The following CTNNA2 variants were observed in gnomAD, a reference collection of about 807,000 sequenced individuals.
CTNNA2 encodes the protein catenin alpha-2.
Under a neutral mutation model 101.0 loss-of-function variants are expected in CTNNA2, and 42 were observed. The observed-to-expected ratio is 0.42, with a 90% CI of 0.32 to 0.54. The LOEUF is 0.54. Among genes scored for constraint, CTNNA2 ranks in the 20% least tolerant of loss-of-function variants. The probability of loss-of-function intolerance (pLI) is 0.14; values close to 1 mark genes in which losing one functional copy is unlikely to be tolerated. For missense variants in CTNNA2, 871 were observed against 1,223.1 expected (o/e 0.71, Z 4.29); for synonymous variants, 450 against 456.4 (o/e 0.99, Z 0.18).
chr2:80,229,945 T>C (rs1042806234), intron 7 of CTNNA2, among the ~76,000 whole-genome samples: 1 of 152,162 alleles, frequency 6.6e-6, no homozygotes, highest in African/African-American at 2.4e-5. Context: ...ATAGCGGTGG[T>C]CCTATAAGAT....
chr2:80,052,626 TAA>T (rs1486433550), intron 7 of CTNNA2, among the ~76,000 whole-genome samples: 1 of 152,224 alleles, frequency 6.6e-6, no homozygotes, highest in East Asian at 1.9e-4. Flanking sequence ...GAGTAAAACT[TAA>T]GTGTATATTT....
chr2:79,731,688 GC>G lies in CTNNA2; in HGVS notation c.103-12698del, dbSNP rs1687203679. Among the ~76,000 whole-genome samples, 5 of 152,184 alleles carry G rather than the reference GC, an allele frequency of 3.3e-5. No individual in the cohort carries two copies. The South Asian group carries it at 8.3e-4, about 25-fold the overall frequency. On this transcript the variant is annotated intron_variant, in intron 2 of 18. Coordinates refer to ENST00000402739, the MANE Select transcript of CTNNA2 (RefSeq NM_001282597.3). Reference sequence around the variant, plus strand: ...AGGATTTTAGTGAGTGGAAAATCTGGCTGGTTGTCCGTGAGGTTCATTTGGG... The same window carrying G: ...AGGATTTTAGTGAGTGGAAAATCTGGTGGTTGTCCGTGAGGTTCATTTGGG...
intron 7 of CTNNA2, among the ~76,000 whole-genome samples, chr2:80,136,132 G>A (rs938365017): frequency 6.6e-6 from 1 of 152,166 alleles, no homozygotes; most frequent in African/African-American, 2.4e-5. Context: ...TTTAGATGAG[G>A]TAATAGTTGT....
intron 9 of CTNNA2, among the ~76,000 whole-genome samples, chr2:80,491,829 CT>C (rs1687087173): frequency 1.3e-5 from 2 of 152,130 alleles, no homozygotes; most frequent in South Asian, 4.1e-4. Flanking sequence ...TGGTCTTGCT[CT>C]TTTTTCCTGA....
At chr2:80,494,031 C>T (rs994581722) in intron 9 of CTNNA2, among the ~76,000 whole-genome samples, 1 of 152,146 alleles carries the variant, frequency 6.6e-6, no homozygotes, top group Non-Finnish European at 1.5e-5. Flanking sequence ...AGGAGTGTTA[C>T]TTCTGGGAGG....
chr2:80,084,486 A>G (rs1399228925), intron 7 of CTNNA2, among the ~76,000 whole-genome samples: 5 of 152,064 alleles, frequency 3.3e-5, no homozygotes, highest in Non-Finnish European at 5.9e-5. Context: ...CCCTTGGCTC[A>G]TTATATATGA....
chr2:79,524,003 T>G (rs933613009), intron 1 of CTNNA2, among the ~76,000 whole-genome samples: 8 of 152,118 alleles, frequency 5.3e-5, no homozygotes, highest in Non-Finnish European at 8.8e-5. Flanking sequence ...GAATTAATGA[T>G]ATACTATTAA....
At chr2:80,629,269 G>T (rs2149825734) in intron 18 of CTNNA2, among the ~76,000 whole-genome samples, 1 of 152,214 alleles carries the variant, frequency 6.6e-6, no homozygotes, top group South Asian at 2.1e-4. Flanking sequence ...CTGTCATCAA[G>T]ATTGCATTCT....
At chr2:79,940,633 G>A (rs1688091874) in intron 7 of CTNNA2, among the ~76,000 whole-genome samples, 2 of 152,278 alleles carry the variant, frequency 1.3e-5, no homozygotes, top group African/African-American at 4.8e-5. Flanking sequence ...CTCTCTTTCT[G>A]ATGTTGTGCC....
intron 7 of CTNNA2, among the ~76,000 whole-genome samples, chr2:80,335,742 A>T (rs11677246): frequency 0.075 from 11,482 of 152,274 alleles, 438 homozygotes; most frequent in Non-Finnish European, 0.089. Context: ...CCTTTAGACT[A>T]TATAAATTCC....
At chr2:80,227,928 G>A (rs1708982104) in intron 7 of CTNNA2, among the ~76,000 whole-genome samples, 1 of 152,088 alleles carries the variant, frequency 6.6e-6, no homozygotes, top group Admixed American at 6.6e-5. Context: ...ATATGGGGAA[G>A]TGTGGACAAA....
chr2:79,419,879 C>A (rs930770253), intron 4 of CTNNA2, among the ~76,000 whole-genome samples: 1 of 152,116 alleles, frequency 6.6e-6, no homozygotes, highest in Non-Finnish European at 1.5e-5. Flanking sequence ...TTTTGAATAA[C>A]TTTTTCTTAA....
At chr2:79,637,479 G>A (rs1680153170) in intron 1 of CTNNA2, among the ~76,000 whole-genome samples, 1 of 152,168 alleles carries the variant, frequency 6.6e-6, no homozygotes, top group South Asian at 2.1e-4. Context: ...ATGCCCACAT[G>A]TATTGAGCTA....
intron 7 of CTNNA2, among the ~76,000 whole-genome samples, chr2:79,960,326 C>T (rs1541947): frequency 0.74 from 113,113 of 152,152 alleles, 42,272 homozygotes; most frequent in African/African-American, 0.8. Context: ...TAATATAACT[C>T]ACATACATTT....
chr2:80,641,197 A>AGGT (rs1673439971), intron 18 of CTNNA2, among the ~76,000 whole-genome samples: 1 of 152,172 alleles, frequency 6.6e-6, no homozygotes, highest in South Asian at 2.1e-4. Context: ...TAAACACCTC[A>AGGT]GTTCTTTTAT....
intron 4 of CTNNA2, among the ~76,000 whole-genome samples, chr2:79,502,316 T>C (rs1671329370): frequency 6.6e-6 from 1 of 152,206 alleles, no homozygotes; most frequent in Non-Finnish European, 1.5e-5. Flanking sequence ...GGCTCAACTG[T>C]GGACACAACA....
At chr2:80,264,784 A>T (rs1163188959) in intron 7 of CTNNA2, among the ~76,000 whole-genome samples, 1 of 152,206 alleles carries the variant, frequency 6.6e-6, no homozygotes, top group African/African-American at 2.4e-5. Context: ...ATACACAAAG[A>T]TAGCAATATT....
chr2:79,399,932 A>T (rs1346328429), intron 4 of CTNNA2, among the ~76,000 whole-genome samples: 2 of 152,098 alleles, frequency 1.3e-5, no homozygotes, highest in Non-Finnish European at 2.9e-5. Flanking sequence ...TAGGAAGTTT[A>T]TTTTGCCAAA....
intron 3 of CTNNA2, among the ~76,000 whole-genome samples, chr2:79,342,392 T>C (rs1558636226): frequency 6.6e-6 from 1 of 152,204 alleles, no homozygotes; most frequent in Non-Finnish European, 1.5e-5. Flanking sequence ...GATAGAGTAT[T>C]GATGTTTGCT....
Sources: gnomAD v4.1 joint callset for allele counts (sites outside exome capture counted in the v4.1 genomes callset) on GRCh38, gnomAD v4.1.1 for gene constraint, MANE v1.5 for transcripts, NCBI Gene and HGNC (gene_info 2026-07-23, HGNC 2026-07-21) for gene names.